The following GNAL variants were observed in gnomAD, a reference collection of about 807,000 sequenced individuals.
GNAL encodes the protein guanine nucleotide-binding protein G(olf) subunit alpha.
A neutral mutation model predicts 55.1 loss-of-function variants in GNAL; 18 were observed. That is an observed-to-expected ratio of 0.33 (90% CI 0.23 to 0.48). The LOEUF is 0.48. Ranked by LOEUF, GNAL falls within the 20% of genes least tolerant of loss-of-function variation. GNAL has a pLI of 0.99. For synonymous variants in GNAL, 253 were observed against 237.0 expected, an observed-to-expected ratio of 1.07 and a Z score of -0.62; for missense variants, 412 against 614.1, an observed-to-expected ratio of 0.67 and a Z score of 3.48.
chr18:11,775,646 A>G (rs1277472635), intron 4 of GNAL, among the ~76,000 whole-genome samples: 1 of 152,240 alleles, frequency 6.6e-6, no homozygotes, highest in African/African-American at 2.4e-5. Flanking sequence ...GAAAAGAGGA[A>G]GATGCACATC....
intron 1 of GNAL, among the ~76,000 whole-genome samples, chr18:11,729,282 A>G (rs545453407): frequency 6.6e-6 from 1 of 152,258 alleles, no homozygotes; most frequent in East Asian, 1.9e-4. Context: ...CAGTGGTCTT[A>G]GCGCTCCTCT....
At chr18:11,773,570 A>G (rs900926763) in intron 4 of GNAL, among the ~76,000 whole-genome samples, 11 of 152,182 alleles carry the variant, frequency 7.2e-5, no homozygotes, top group African/African-American at 2.7e-4. Context: ...GTTCAAGACC[A>G]GACCAGCCTG....
intron 5 of GNAL, among the ~76,000 whole-genome samples, chr18:11,861,872 A>T (rs1049013101): frequency 6.6e-6 from 1 of 151,864 alleles, no homozygotes; most frequent in Non-Finnish European, 1.5e-5. Context: ...ACATACTCTC[A>T]CACTCACCCT....
Position 11,844,429 on chromosome 18 carries a change from T to C in GNAL, c.723-17966T>C, listed in dbSNP as rs540218376. ...AACCTGGGTGACAAGAGCGAAACTC[T>C]ATCTCAAAATAAATAAATAAATAGG... On this transcript the variant is annotated intron_variant, in intron 5 of 11. Coordinates refer to ENST00000334049, the MANE Select transcript of GNAL (RefSeq NM_182978.4). Among the ~76,000 whole-genome samples, 23 of 152,160 alleles carry C rather than the reference T, an allele frequency of 1.5e-4. No homozygotes were observed. In the South Asian group the frequency reaches 4.6e-3, roughly 30 times the overall value.
chr18:11,788,936 T>TATATATACAC (rs1219351502), intron 4 of GNAL, among the ~76,000 whole-genome samples: 6 of 128,888 alleles, frequency 4.7e-5, no homozygotes, highest in Admixed American at 2.3e-4. Context: ...TATATATATA[T>TATATATACAC]ACACATATAT....
chr18:11,772,455 T>G (rs2033662815), intron 4 of GNAL, among the ~76,000 whole-genome samples: 2 of 152,206 alleles, frequency 1.3e-5, no homozygotes, highest in Admixed American at 1.3e-4. Flanking sequence ...TGCCGTCCTG[T>G]TCCAGGTGAT....
At chr18:11,797,032 G>C (rs1598467532) in intron 4 of GNAL, among the ~76,000 whole-genome samples, 1 of 152,246 alleles carries the variant, frequency 6.6e-6, no homozygotes, top group Admixed American at 6.5e-5. Flanking sequence ...TTGGCTCATT[G>C]CAGCCTCTGC....
chr18:11,768,971 A>T (rs1462057991), intron 4 of GNAL, among the ~76,000 whole-genome samples: 1 of 105,030 alleles, frequency 9.5e-6, no homozygotes, highest in African/African-American at 5.9e-5. Context: ...ATAATATATT[A>T]TATATATTAT....
chr18:11,847,758 C>T (rs945751729), intron 5 of GNAL, among the ~76,000 whole-genome samples: 1 of 151,970 alleles, frequency 6.6e-6, no homozygotes, highest in Non-Finnish European at 1.5e-5. Flanking sequence ...TGTATTGGGT[C>T]CAAAACATTT....
At chr18:11,871,074 G>A (rs1201399605) in intron 9 of GNAL, among the ~76,000 whole-genome samples, 1 of 151,864 alleles carries the variant, frequency 6.6e-6, no homozygotes, top group African/African-American at 2.4e-5. Flanking sequence ...AAAAAACTTG[G>A]GCATGAAAAC....
chr18:11,768,038 A>G (rs1258473534), intron 4 of GNAL, among the ~76,000 whole-genome samples: 2 of 152,214 alleles, frequency 1.3e-5, no homozygotes, highest in African/African-American at 4.8e-5. Flanking sequence ...AAGCACATTT[A>G]TGTGTCATAT....
intron 1 of GNAL, among the ~76,000 whole-genome samples, chr18:11,731,668 C>G (rs1008435337): frequency 6.6e-6 from 1 of 152,198 alleles, no homozygotes; most frequent in Non-Finnish European, 1.5e-5. Flanking sequence ...AAATAACTCA[C>G]ATATCATGAA....
At chr18:11,754,231 A>G (rs2032960936) in intron 4 of GNAL, among the ~76,000 whole-genome samples, 1 of 152,098 alleles carries the variant, frequency 6.6e-6, no homozygotes, top group South Asian at 2.1e-4. Flanking sequence ...TCTGTCCAAC[A>G]TGGTAAAACC....
intron 1 of GNAL, among the ~76,000 whole-genome samples, chr18:11,710,301 TG>T (rs1364158843): frequency 2.6e-5 from 4 of 152,214 alleles, no homozygotes; most frequent in African/African-American, 9.6e-5. Flanking sequence ...CTTCATAAAA[TG>T]AGTTTGGAAG....
At chr18:11,744,667 G>T (rs943982483) in intron 1 of GNAL, among the ~76,000 whole-genome samples, 3 of 152,194 alleles carry the variant, frequency 2.0e-5, no homozygotes, top group African/African-American at 7.2e-5. Flanking sequence ...CGGCTTCTTG[G>T]AGCATTGTTA....
At chr18:11,859,121 A>G (rs979064175) in intron 5 of GNAL, among the ~76,000 whole-genome samples, 1 of 152,192 alleles carries the variant, frequency 6.6e-6, no homozygotes, top group East Asian at 1.9e-4. Flanking sequence ...AACTCTAACT[A>G]TAGCCACAGG....
At chr18:11,880,906 A>G (rs1352766135) in intron 11 of GNAL, 83 bp from the exon 12 acceptor site, 11 of 1,432,052 alleles carry the variant, frequency 7.7e-6, no homozygotes, top group Non-Finnish European at 1.1e-5. Flanking sequence ...CAAAGCCTCC[A>G]GCACCTGCTC....
intron 11 of GNAL, 27 bp from the exon 12 acceptor site, chr18:11,880,962 G>T: frequency 6.2e-7 from 1 of 1,609,762 alleles, no homozygotes; most frequent in Non-Finnish European, 8.5e-7. Context: ...GGCCGCGCAG[G>T]GCTAGTGCAC....
Position 11,881,075 on chromosome 18 carries a change from G to A in GNAL, c.1317G>A (p.Val439=), listed in dbSNP as rs762478346. The A allele has an allele frequency of 6.2e-7, 1 of 1,613,770 alleles. No homozygotes were observed. The highest frequency in any genetic ancestry group is 8.5e-7 in the Non-Finnish European group (1 of 1,179,840). The change falls in exon 12 of 12, where the codon GTG becomes GTA. Residue 439 remains valine, a synonymous_variant. Transcript: ENST00000334049. The surrounding 1 kb of genome is among the most constrained non-coding windows in gnomAD (Gnocchi z 4.8). ...TGGACACAGAGAACATCCGCAGGGT[G>A]TTCAACGACTGCCGCGACATCATCC... ...CAVDTENIRR[V]FNDCRDIIQR...
Sources: gnomAD v4.1 joint callset for allele counts (sites outside exome capture counted in the v4.1 genomes callset) on GRCh38, gnomAD v4.1.1 for gene constraint, Gnocchi (gnomAD v3.1) non-coding constraint, MANE v1.5 for transcripts, NCBI Gene and HGNC (gene_info 2026-07-23, HGNC 2026-07-21) for gene names.